The following HERC6 variants were observed in gnomAD, a reference collection of about 807,000 sequenced individuals.
The protein encoded by HERC6 is HECT and RLD domain containing E3 ubiquitin protein ligase family member 6.
In HERC6, 101 loss-of-function variants were observed where a neutral mutation model predicts 114.5. The ratio of observed to expected loss-of-function variants is 0.88; its 90% CI spans 0.75 to 1.04. The LOEUF (loss-of-function observed/expected upper bound fraction) is 1.04. Among genes scored for constraint, HERC6 ranks in the 50% least tolerant of loss-of-function variants. The pLI is 0.00. For missense variants in HERC6, 1,133 were observed against 1,230.9 expected (o/e 0.92, Z 1.19); for synonymous variants, 408 against 436.2 (o/e 0.94, Z 0.81).
intron 8 of HERC6, among the ~76,000 whole-genome samples, chr4:88,400,451 C>T (rs1331770338): frequency 6.6e-6 from 1 of 152,168 alleles, no homozygotes; most frequent in East Asian, 1.9e-4. Context: ...CCCACCTTGG[C>T]CTGGCAAAGT....
chr4:88,412,930 A>C, intron 11 of HERC6, 147 bp from the exon 12 acceptor site: 1 of 606,758 alleles, frequency 1.6e-6, no homozygotes, highest in Non-Finnish European at 2.9e-6. Context: ...GGAGTGATGG[A>C]GTCTCATCAA....
At chr4:88,428,896 G>A (rs1286001602) in intron 16 of HERC6, 146 bp downstream of exon 16, 1 of 607,118 alleles carries the variant, frequency 1.6e-6, no homozygotes, top group African/African-American at 1.9e-5. Flanking sequence ...TTACCCTTCA[G>A]AGAATAGCAA....
At position 88,406,803 on chromosome 4, in the gene HERC6, G is replaced by A. The variant is rs4524346; in HGVS notation, c.1274+1190G>A. Among the ~76,000 whole-genome samples the A allele has an allele frequency of 7.4e-4, 113 of 152,090 alleles. 1 individual carries two copies. The East Asian group carries it at 0.02, about 27-fold the overall frequency. On this transcript the variant is annotated intron_variant, in intron 10 of 22. Coordinates refer to ENST00000264346, the MANE Select transcript of HERC6 (RefSeq NM_017912.4). The stretch of plus-strand genomic sequence containing the variant: ...AGGTGAAGTCTCACTCTGTCACCCA[G>A]GCCGGAGTGCAGTAGTGCAGCTCGG...
chr4:88,418,850 C>T (rs962768357), intron 13 of HERC6, among the ~76,000 whole-genome samples: 3 of 152,142 alleles, frequency 2.0e-5, no homozygotes, highest in African/African-American at 7.2e-5. Context: ...CCTCAGCCTC[C>T]GGAATAGCTG....
rs545476120 is a variant in HERC6, at chr4:88,382,851, T to C, written c.200-370T>C. Among the ~76,000 whole-genome samples, 17 of 152,312 alleles carry C rather than the reference T, an allele frequency of 1.1e-4. No homozygotes were observed. In the South Asian group the frequency reaches 2.9e-3, roughly 26 times the overall value. On this transcript the variant is annotated intron_variant, in intron 1 of 22. Transcript: ENST00000264346. ...AGCAGTTTCTGGTTGGTAAAGTCTCTAGTTAGATGTTAGTTGGTGGTTTCT... is the reference window on the plus strand; with the variant it reads ...AGCAGTTTCTGGTTGGTAAAGTCTCCAGTTAGATGTTAGTTGGTGGTTTCT...
intron 18 of HERC6, among the ~76,000 whole-genome samples, chr4:88,436,480 T>G (rs1320504179): frequency 2.6e-5 from 4 of 152,206 alleles, no homozygotes; most frequent in Non-Finnish European, 5.9e-5. Context: ...TTGGCCTGTT[T>G]AATTCTTTGT....
At chr4:88,383,763 C>CAAAAAAAAAAAAAAAAAAAAAAAAAAAAA (rs753643806) in intron 2 of HERC6, among the ~76,000 whole-genome samples, 1 of 28,742 alleles carries the variant, frequency 3.5e-5, no homozygotes, top group Non-Finnish European at 6.0e-5. Flanking sequence ...GACTCAGTCT[C>CAAAAAAAAAAAAAAAAAAAAAAAAAAAAA]AAAAAAAAAA....
intron 15 of HERC6, among the ~76,000 whole-genome samples, chr4:88,427,761 G>A (rs1243310107): frequency 6.6e-6 from 1 of 152,142 alleles, no homozygotes; most frequent in Non-Finnish European, 1.5e-5. Flanking sequence ...CACGATTTCA[G>A]GACAGGCCCT....
chr4:88,439,525 G>T (rs1578440174), intron 20 of HERC6, among the ~76,000 whole-genome samples: 1 of 152,212 alleles, frequency 6.6e-6, no homozygotes, highest in Non-Finnish European at 1.5e-5. Context: ...GCTTGGGAAG[G>T]CCTGTTGATC....
Position 88,428,567 on chromosome 4 carries a change from T to A in HERC6, c.1936-13T>A, listed in dbSNP as rs370444635. 2 of 1,564,756 alleles carry A rather than the reference T, an allele frequency of 1.3e-6. No homozygotes were observed. Among genetic ancestry groups the A allele is most frequent in the Non-Finnish European group, 1.7e-6 (2 of 1,161,794 alleles). On this transcript the variant is annotated splice_polypyrimidine_tract_variant and intron_variant, in intron 15 of 22. Coordinates refer to ENST00000264346, the MANE Select transcript of HERC6 (RefSeq NM_017912.4). ...TCAAAAGGAGAAGCCAACTAAAAAA[T>A]TTATTTTTCCAGATGTCAGAAAAGA...
Position 88,439,764 on chromosome 4 carries a change from T to C in HERC6, c.2556-110T>C, listed in dbSNP as rs573448972. On this transcript the variant is annotated intron_variant, in intron 20 of 22. Transcript: ENST00000264346. ...ACATTCTTGTGCTATATAGAAGTAA[T>C]TTACTTTTCCTTCTCAATAGAAATA... 2.8e-6 allele frequency: 3 copies of C among 1,068,606 alleles called. No homozygotes were observed. In the African/African-American group the frequency reaches 4.9e-5, roughly 18 times the overall value. 66.2% of individuals were successfully genotyped at this position (1,068,606 alleles called of 1,614,324 possible). A position where few individuals can be genotyped will look rare whatever the true frequency, so the allele number is the denominator to read the frequency against.
chr4:88,441,212 G>A (rs1274902803), intron 22 of HERC6, among the ~76,000 whole-genome samples: 2 of 152,056 alleles, frequency 1.3e-5, no homozygotes, highest in Admixed American at 6.6e-5. Flanking sequence ...CCAACTATCT[G>A]TTTTATAGTA....
At chr4:88,399,273 A>G (rs1273477032) in intron 8 of HERC6, 2 of 152,132 alleles carry the variant, frequency 1.3e-5, no homozygotes, top group Non-Finnish European at 2.9e-5. Context: ...TGCTGTTGGG[A>G]TAGTTAGGAG....
intron 3 of HERC6, among the ~76,000 whole-genome samples, chr4:88,386,132 C>T (rs942184210): frequency 6.6e-6 from 1 of 151,876 alleles, no homozygotes; most frequent in Non-Finnish European, 1.5e-5. Flanking sequence ...TCTTTGGGAA[C>T]CTGCAAATTA....
chr4:88,393,639 A>C (rs1735040851), intron 5 of HERC6, 57 bp downstream of exon 5: 1 of 1,007,002 alleles, frequency 9.9e-7, no homozygotes, highest in Non-Finnish European at 1.5e-6. Context: ...AACAAGATAC[A>C]TATGTACTAA....
intron 13 of HERC6, among the ~76,000 whole-genome samples, chr4:88,423,276 C>T (rs555248001): frequency 6.6e-6 from 1 of 152,122 alleles, no homozygotes; most frequent in Non-Finnish European, 1.5e-5. Flanking sequence ...CTCTAGGAAG[C>T]CTTCTTGAAC....
intron 2 of HERC6, 44 bp from the exon 3 acceptor site, chr4:88,385,455 G>T (rs1175271644): frequency 1.1e-6 from 1 of 922,620 alleles, no homozygotes; most frequent in Non-Finnish European, 1.7e-6. Flanking sequence ...CGGACAACTC[G>T]CTCTAAATAA....
chr4:88,417,573 G>A lies in HERC6; in HGVS notation c.1707G>A (p.Leu569=), dbSNP rs752765719. 7 of 1,612,022 alleles carry A rather than the reference G, an allele frequency of 4.3e-6. No individual in the cohort carries two copies. Among genetic ancestry groups the A allele is most frequent in the Middle Eastern group, 1.7e-4 (1 of 6,054 alleles). ...VKALLGMMKE[L]HKVNKANCRL... is the part of the protein sequence containing the mutation. ...CTCTTTTAGGAATGATGAAAGAACT[G>A]CATAAGGTAAGGGTTACTCTAAAGG... is the stretch of plus-strand genomic sequence containing the variant. Residue 569 remains leucine (L), a synonymous_variant, in exon 13 of 23, where the codon CTG becomes CTA. Transcript: ENST00000264346.
At chr4:88,404,850 C>G in intron 8 of HERC6, 26 bp from the exon 9 acceptor site, 3 of 1,610,806 alleles carry the variant, frequency 1.9e-6, no homozygotes, top group Non-Finnish European at 2.5e-6. Context: ...TGTTCCTGAT[C>G]ATTCTTGTTT....
Sources: allele counts gnomAD v4.1 joint callset (sites outside exome capture counted in the v4.1 genomes callset), GRCh38; gene constraint gnomAD v4.1.1; transcripts MANE v1.5; gene names NCBI Gene and HGNC (gene_info 2026-07-23, HGNC 2026-07-21).